ARHGEF7: variants seen among roughly 807,000 people sequenced by gnomAD.
ARHGEF7 encodes the protein PAK-interacting exchange factor beta.
In ARHGEF7, 33 loss-of-function variants were observed where a neutral mutation model predicts 109.8. That is an observed-to-expected ratio of 0.30 (90% CI 0.23 to 0.40). The LOEUF (loss-of-function observed/expected upper bound fraction) is 0.40, where lower values mean the gene tolerates loss of function less well. Ranked by LOEUF, ARHGEF7 falls within the 10% of genes least tolerant of loss-of-function variation. ARHGEF7 has a pLI of 1.00. For missense variants in ARHGEF7, 938 were observed against 1,098.5 expected (o/e 0.85, Z 2.07); for synonymous variants, 458 against 424.6 (o/e 1.08, Z -0.97).
intron 6 of ARHGEF7, among the ~76,000 whole-genome samples, chr13:111,242,519 T>C (rs1325544807): frequency 6.6e-6 from 1 of 152,226 alleles, no homozygotes; most frequent in Non-Finnish European, 1.5e-5. Context: ...GGGAGACAAA[T>C]AGCACATCTT....
intron 1 of ARHGEF7, among the ~76,000 whole-genome samples, chr13:111,153,356 CG>C (rs2076002101): frequency 6.6e-6 from 1 of 152,132 alleles, no homozygotes; most frequent in Non-Finnish European, 1.5e-5. Context: ...GCTGTGTCTG[CG>C]GGGCCAGGCC....
intron 12 of ARHGEF7, among the ~76,000 whole-genome samples, chr13:111,276,706 G>A (rs1297251312): frequency 6.6e-6 from 1 of 152,184 alleles, no homozygotes; most frequent in East Asian, 1.9e-4. Flanking sequence ...TTCTTCAAGA[G>A]GGGAATATAG....
chr13:111,153,387 G>A (rs932544817), intron 1 of ARHGEF7, among the ~76,000 whole-genome samples: 1 of 152,168 alleles, frequency 6.6e-6, no homozygotes, highest in African/African-American at 2.4e-5. Context: ...GAGCAGGGAG[G>A]AGGCCGAGCG....
At chr13:111,152,696 G>A (rs1371671340) in intron 1 of ARHGEF7, among the ~76,000 whole-genome samples, 4 of 152,228 alleles carry the variant, frequency 2.6e-5, no homozygotes, top group Non-Finnish European at 4.4e-5. Context: ...TCAAATGCTA[G>A]AGTTCTAGAT....
At position 111,217,661 on chromosome 13, in the gene ARHGEF7, CTCT is replaced by C; in HGVS notation, c.469-12_469-10del. ...TGTTCTTGGTATAATTTTTCTCCCA[CTCT>C]TCTTCCCCTTTTAGGACATGACCGA... is the stretch of plus-strand genomic sequence containing the variant. On this transcript the variant is annotated splice_polypyrimidine_tract_variant and intron_variant, in intron 4 of 21. Transcript: ENST00000646102. 6.2e-7 allele frequency: 1 copy of C among 1,607,128 alleles called. No homozygotes were observed. The highest frequency in any genetic ancestry group is 8.5e-7 in the Non-Finnish European group (1 of 1,173,734).
At chr13:111,236,036 G>C (rs2086768516) in intron 6 of ARHGEF7, among the ~76,000 whole-genome samples, 1 of 152,180 alleles carries the variant, frequency 6.6e-6, no homozygotes, top group Non-Finnish European at 1.5e-5. Context: ...GAATGGGATG[G>C]ATATGTGTTT....
intron 2 of ARHGEF7, among the ~76,000 whole-genome samples, chr13:111,200,567 A>T (rs1456377329): frequency 6.6e-6 from 1 of 151,958 alleles, no homozygotes; most frequent in African/African-American, 2.4e-5. Context: ...GAGGAACGGG[A>T]CACCCACAGC....
At chr13:111,219,911 TAAAA>T (rs1566863151) in intron 5 of ARHGEF7, among the ~76,000 whole-genome samples, 1 of 152,112 alleles carries the variant, frequency 6.6e-6, no homozygotes, top group African/African-American at 2.4e-5. Flanking sequence ...TGACATCCTT[TAAAA>T]AAATCCGTTC....
intron 2 of ARHGEF7, among the ~76,000 whole-genome samples, chr13:111,163,508 C>T (rs2076899556): frequency 6.6e-6 from 1 of 152,054 alleles, no homozygotes; most frequent in African/African-American, 2.4e-5. Flanking sequence ...TTTTTAGTAA[C>T]TACTTTAAAA....
intron 1 of ARHGEF7, among the ~76,000 whole-genome samples, chr13:111,133,439 T>C (rs919388459): frequency 3.9e-5 from 6 of 152,086 alleles, no homozygotes; most frequent in Non-Finnish European, 8.8e-5. Context: ...TTTCAGCTTA[T>C]GGGCGGAAAA....
At chr13:111,194,882 C>G (rs961276642) in intron 2 of ARHGEF7, among the ~76,000 whole-genome samples, 2 of 146,646 alleles carry the variant, frequency 1.4e-5, no homozygotes, top group South Asian at 4.1e-4. Flanking sequence ...TCCTTGAGGT[C>G]CAGAATAGTG....
chr13:111,304,995 C>T lies in ARHGEF7; in HGVS notation c.*1882C>T, dbSNP rs1018794396. ...CTCAGGAACAACTCTTGTCTGATCT[C>T]TCCGCCCCTCTGCCGGGAGGCGACA... is the stretch of plus-strand genomic sequence containing the variant. On this transcript the variant is annotated 3_prime_UTR_variant, in exon 22 of 22. Transcript: ENST00000646102. The T allele has an allele frequency of 6.6e-6, 1 of 152,236 alleles. No homozygotes were observed. The highest frequency in any genetic ancestry group is 1.5e-5 in the Non-Finnish European group (1 of 68,054). The allele number at this position is 152,236 out of a possible 1,614,324, so 9.4% of individuals were successfully genotyped here. A position where few individuals can be genotyped will look rare whatever the true frequency, so the allele number is the denominator to read the frequency against.
intron 1 of ARHGEF7, among the ~76,000 whole-genome samples, chr13:111,136,012 T>C (rs570083912): frequency 2.0e-5 from 3 of 152,346 alleles, no homozygotes; most frequent in African/African-American, 7.2e-5. Context: ...TGAAGGGCTG[T>C]TGAATTTTGT....
chr13:111,253,759 C>G (rs2090077137), intron 8 of ARHGEF7, among the ~76,000 whole-genome samples: 1 of 152,160 alleles, frequency 6.6e-6, no homozygotes, highest in South Asian at 2.1e-4. Flanking sequence ...CTTGAGTGTT[C>G]TGGGTGCTTT....
intron 2 of ARHGEF7, chr13:111,185,076 G>C (rs566720298): frequency 6.6e-6 from 1 of 152,300 alleles, no homozygotes; most frequent in Non-Finnish European, 1.5e-5. Context: ...TTAGAATCCA[G>C]TGCAGGCCGC....
chr13:111,194,133 A>G (rs887189630), intron 2 of ARHGEF7, among the ~76,000 whole-genome samples: 1 of 152,106 alleles, frequency 6.6e-6, no homozygotes, highest in African/African-American at 2.4e-5. Context: ...TTGCTACTAC[A>G]TCGATTTCCT....
chr13:111,203,199 CTAAGATTA>C, intron 2 of ARHGEF7: 1 of 867,034 alleles, frequency 1.2e-6, no homozygotes, highest in Non-Finnish European at 1.6e-6. Context: ...TTTCAGAGCA[CTAAGATTA>C]GATCTGTAGA....
chr13:111,213,906 C>G (rs536866953), intron 4 of ARHGEF7, among the ~76,000 whole-genome samples: 1 of 152,252 alleles, frequency 6.6e-6, no homozygotes, highest in African/African-American at 2.4e-5. Context: ...TCCAGCCAGT[C>G]CCATGCATCT....
At chr13:111,181,998 C>G (rs1394049339) in intron 2 of ARHGEF7, 1 of 152,306 alleles carries the variant, frequency 6.6e-6, no homozygotes, top group Admixed American at 6.5e-5. Context: ...TGTGAAAAGC[C>G]TGCAGCATTG....
Sources: gnomAD v4.1 joint callset for allele counts (sites outside exome capture counted in the v4.1 genomes callset) on GRCh38, gnomAD v4.1.1 for gene constraint, MANE v1.5 for transcripts, NCBI Gene and HGNC (gene_info 2026-07-23, HGNC 2026-07-21) for gene names.